The following FOXO3 variants were observed in gnomAD, a reference collection of about 807,000 sequenced individuals.
FOXO3 encodes the protein forkhead box O3, also known as forkhead box protein O3.
Under a neutral mutation model 41.9 loss-of-function variants are expected in FOXO3, and 4 were observed. The observed-to-expected ratio is 0.10, with a 90% CI of 0.05 to 0.22. FOXO3 has a LOEUF of 0.22. FOXO3 is among the 10% of genes least tolerant of loss of function. The pLI is 1.00. For synonymous variants in FOXO3, 318 were observed against 389.3 expected (o/e 0.82, Z 2.16); for missense variants, 534 against 906.8 (o/e 0.59, Z 5.28).
intron 1 of FOXO3, among the ~76,000 whole-genome samples, chr6:108,655,061 A>G (rs894752282): frequency 6.6e-6 from 1 of 152,240 alleles, no homozygotes; most frequent in Non-Finnish European, 1.5e-5. Flanking sequence ...TAAGGAAATT[A>G]CAAGGATCAG....
At chr6:108,648,237 C>CA (rs1778446880) in intron 1 of FOXO3, among the ~76,000 whole-genome samples, 3 of 152,092 alleles carry the variant, frequency 2.0e-5, no homozygotes, top group Non-Finnish European at 4.4e-5. Context: ...ATGAGGCAGC[C>CA]CAGTTGTCAG....
chr6:108,585,186 C>T lies in FOXO3; in HGVS notation c.621+23357C>T, dbSNP rs568527310. On this transcript the variant is annotated intron_variant, in intron 1 of 2. Coordinates refer to ENST00000406360, the MANE Select transcript of FOXO3 (RefSeq NM_001455.4). The stretch of plus-strand genomic sequence containing the variant: ...CCTCCCGAGTAGCTGGGACTACAGG[C>T]GCCCGCCACCGCGCCCGGCTAATTT... 1.4e-3 allele frequency among the ~76,000 whole-genome samples: 215 copies of T among 152,030 alleles called. 2 individuals are homozygous for T. The highest frequency in any genetic ancestry group is 4.7e-3 in the African/African-American group (194 of 41,520).
intron 1 of FOXO3, among the ~76,000 whole-genome samples, chr6:108,576,432 A>C (rs1187261956): frequency 6.6e-6 from 1 of 152,230 alleles, no homozygotes; most frequent in East Asian, 1.9e-4. Context: ...TCATAAAATC[A>C]GTGAATGCTT....
intron 2 of FOXO3, among the ~76,000 whole-genome samples, chr6:108,667,887 T>A (rs1779107562): frequency 6.6e-6 from 1 of 152,184 alleles, no homozygotes; most frequent in African/African-American, 2.4e-5. Context: ...TGTGAGGGGA[T>A]CTAGTTTCTG....
chr6:108,605,899 T>C (rs1777186053), intron 1 of FOXO3, among the ~76,000 whole-genome samples: 1 of 152,256 alleles, frequency 6.6e-6, no homozygotes, highest in Admixed American at 6.5e-5. Context: ...TTTTGTTCAA[T>C]GTAGTGCTTT....
chr6:108,651,813 C>A (rs1778554159), intron 1 of FOXO3, among the ~76,000 whole-genome samples: 1 of 152,194 alleles, frequency 6.6e-6, no homozygotes, highest in Non-Finnish European at 1.5e-5. Flanking sequence ...AAGCAGTTTT[C>A]TACCAGAGTT....
intron 2 of FOXO3, among the ~76,000 whole-genome samples, chr6:108,671,767 AG>A (rs1779222603): frequency 6.6e-6 from 1 of 152,204 alleles, no homozygotes; most frequent in African/African-American, 2.4e-5. Flanking sequence ...TTCATTAAAA[AG>A]GGATCACAGT....
At chr6:108,612,446 G>A (rs188718223) in intron 1 of FOXO3, among the ~76,000 whole-genome samples, 1 of 152,062 alleles carries the variant, frequency 6.6e-6, no homozygotes, top group African/African-American at 2.4e-5. Flanking sequence ...TTGGGAGGCT[G>A]AGGTGGGCAG....
chr6:108,654,107 C>T (rs1778619208), intron 1 of FOXO3, among the ~76,000 whole-genome samples: 1 of 152,004 alleles, frequency 6.6e-6, no homozygotes, highest in Non-Finnish European at 1.5e-5. Flanking sequence ...GGAGAGGGAC[C>T]TGGGGCTAGA....
At chr6:108,606,012 G>A (rs1777189646) in intron 1 of FOXO3, among the ~76,000 whole-genome samples, 1 of 152,210 alleles carries the variant, frequency 6.6e-6, no homozygotes, top group Non-Finnish European at 1.5e-5. Flanking sequence ...ATGCTTTGGA[G>A]GTTTTTATGT....
At chr6:108,606,555 T>G (rs1010578924) in intron 1 of FOXO3, among the ~76,000 whole-genome samples, 1 of 152,200 alleles carries the variant, frequency 6.6e-6, no homozygotes, top group African/African-American at 2.4e-5. Context: ...CAGACTATGA[T>G]TAAGGCTTAT....
chr6:108,560,611 G>T (rs960972436), upstream of FOXO3, among the ~76,000 whole-genome samples: 1 of 152,178 alleles, frequency 6.6e-6, no homozygotes, highest in African/African-American at 2.4e-5. Flanking sequence ...TAGGAAAGGG[G>T]AGAAGAGCCG....
intron 1 of FOXO3, among the ~76,000 whole-genome samples, chr6:108,581,219 G>A (rs983221537): frequency 7.9e-5 from 12 of 152,148 alleles, no homozygotes; most frequent in Non-Finnish European, 1.5e-4. Context: ...CATTGTATAT[G>A]GTGGTTTAAG....
intron 1 of FOXO3, among the ~76,000 whole-genome samples, chr6:108,644,296 A>G (rs1202100175): frequency 6.6e-6 from 1 of 152,232 alleles, no homozygotes; most frequent in Non-Finnish European, 1.5e-5. Flanking sequence ...GATAGTACGT[A>G]TGAAACACTT....
chr6:108,665,265 T>C (rs1195846383), intron 2 of FOXO3, among the ~76,000 whole-genome samples: 1 of 152,198 alleles, frequency 6.6e-6, no homozygotes, highest in African/African-American at 2.4e-5. Flanking sequence ...TGGGTCGTAC[T>C]TCAGGGTTAA....
rs566466362 is a variant in FOXO3 at position 108,582,994 on chromosome 6, C to G, written c.621+21165C>G. ...ACTCCTGAGTCCTGAAACGCAGTGC[C>G]TTGGATGTCATCTGACTTACCCTTT... On this transcript the variant is annotated intron_variant, in intron 1 of 2. Coordinates refer to ENST00000406360, the MANE Select transcript of FOXO3 (RefSeq NM_001455.4). Among the ~76,000 whole-genome samples, 16 of 152,224 alleles carry G rather than the reference C, an allele frequency of 1.1e-4. No homozygotes were observed. In the South Asian group the frequency reaches 3.1e-3, roughly 30 times the overall value.
At chr6:108,571,576 C>G (rs556514487) in intron 1 of FOXO3, among the ~76,000 whole-genome samples, 4 of 152,052 alleles carry the variant, frequency 2.6e-5, no homozygotes, top group Admixed American at 6.6e-5. Flanking sequence ...CAAATAAGGC[C>G]GTGGGAAGTT....
In FOXO3 at chr6:108,666,492, C is replaced by A. The variant is rs561061164; in HGVS notation, c.*34+1603C>A. ...CTGGGACTACAGGCGCCCGCCACCA[C>A]GCCTGGCTAATTTTTTTTTTTTTTT... On this transcript the variant is annotated intron_variant, in intron 2 of 2. Transcript: ENST00000406360. Among the ~76,000 whole-genome samples, 6 of 151,670 alleles carry A rather than the reference C, an allele frequency of 4.0e-5. No homozygotes were observed. In the South Asian group the frequency reaches 1.3e-3, roughly 32 times the overall value.
At chr6:108,571,570 T>G (rs1224708074) in intron 1 of FOXO3, among the ~76,000 whole-genome samples, 1 of 152,154 alleles carries the variant, frequency 6.6e-6, no homozygotes, top group African/African-American at 2.4e-5. Flanking sequence ...GAGACCCAAA[T>G]AAGGCCGTGG....
Sources: gnomAD v4.1 joint callset for allele counts (sites outside exome capture counted in the v4.1 genomes callset) on GRCh38, gnomAD v4.1.1 for gene constraint, MANE v1.5 for transcripts, NCBI Gene and HGNC (gene_info 2026-07-23, HGNC 2026-07-21) for gene names.